ABCB9: variants seen among roughly 807,000 people sequenced by gnomAD.
ABCB9 encodes ATP binding cassette subfamily B member 9, also known as ABC-type oligopeptide transporter ABCB9.
In ABCB9, 36 loss-of-function variants were observed where a neutral mutation model predicts 62.0. The ratio of observed to expected loss-of-function variants is 0.58; its 90% CI spans 0.45 to 0.77. ABCB9 has a LOEUF of 0.77. Among genes scored for constraint, ABCB9 ranks in the 30% least tolerant of loss-of-function variants. The pLI, the probability that ABCB9 is intolerant of heterozygous loss-of-function variation, is 0.00. For missense variants in ABCB9, 943 were observed against 1,054.7 expected (o/e 0.89, Z 1.47); for synonymous variants, 435 against 461.4 (o/e 0.94, Z 0.73).
chr12:122,934,722 T>C (rs1293306786), intron 10 of ABCB9, among the ~76,000 whole-genome samples: 1 of 151,832 alleles, frequency 6.6e-6, no homozygotes, highest in Non-Finnish European at 1.5e-5. Flanking sequence ...TTCAGTTCCC[T>C]CCTGCTCCCA....
chr12:122,950,415 G>C (rs1477658532), intron 3 of ABCB9, 36 bp downstream of exon 3: 1 of 1,568,378 alleles, frequency 6.4e-7, no homozygotes, highest in East Asian at 2.3e-5. Flanking sequence ...GCAGGTCGGG[G>C]TGTGCGGGGC....
rs1458609501 is a variant in ABCB9 at position 122,950,524 on chromosome 12, C to T, written c.643G>A (p.Gly215Ser). The part of the protein sequence containing the change: ...LPYYTGRAID[G>S]IVIQKSMDQF... The stretch of plus-strand genomic sequence containing the variant: ...TCCATGCTTTTCTGGATGACGATGC[C>T]ATCAATGGCGCGGCCCGTGTAGTAG... The change falls in exon 3 of 12, where the codon GGC becomes AGC. Residue 215 changes from glycine to serine, a missense_variant. By Grantham distance (56) the Gly-to-Ser change is moderately conservative. Transcript: ENST00000280560. 3 of 1,613,214 alleles carry T rather than the reference C, an allele frequency of 1.9e-6. No homozygotes were observed. Among genetic ancestry groups the T allele is most frequent in the Non-Finnish European group, 2.5e-6 (3 of 1,180,008 alleles).
At chr12:122,969,339 A>G (rs1166308511), upstream of ABCB9, among the ~76,000 whole-genome samples, 1 of 152,256 alleles carries the variant, frequency 6.6e-6, no homozygotes, top group Admixed American at 6.5e-5. Flanking sequence ...GGAATGTTCT[A>G]AAAGTTGATT....
chr12:122,935,193 G>C, intron 10 of ABCB9, 79 bp downstream of exon 10: 1 of 1,434,082 alleles, frequency 7.0e-7, no homozygotes, highest in African/African-American at 1.4e-5. Context: ...GGTGGCAGGG[G>C]GCAGTGCTTA....
chr12:122,950,007 G>A lies in ABCB9; in HGVS notation c.717-89C>T, dbSNP rs1177675840. On this transcript the variant is annotated intron_variant, in intron 3 of 11. Transcript: ENST00000280560. ...CCCCCTCCCGCTGCCGGCAGGCCTG[G>A]GAGCCCCACCGCAGCCCCACTCCAG... The A allele has an allele frequency of 3.2e-6, 5 of 1,566,444 alleles. No individual in the cohort carries two copies. The Admixed American group carries it at 8.5e-5, about 27-fold the overall frequency.
chr12:122,936,855 G>C (rs888492265), intron 9 of ABCB9, among the ~76,000 whole-genome samples: 2 of 150,782 alleles, frequency 1.3e-5, no homozygotes, highest in Non-Finnish European at 2.9e-5. Flanking sequence ...GGTGAGCTGA[G>C]ATCGTGCCAT....
chr12:122,956,721 A>G (rs1046698257), intron 2 of ABCB9, among the ~76,000 whole-genome samples: 7 of 152,174 alleles, frequency 4.6e-5, no homozygotes, highest in African/African-American at 1.4e-4. Flanking sequence ...GGGTTTCACC[A>G]TGTTGCCAGG....
downstream of ABCB9, chr12:122,924,666 C>T (rs549060947): frequency 9.3e-6 from 14 of 1,503,910 alleles, no homozygotes; most frequent in East Asian, 5.0e-5. Context: ...TAAGTCCTGG[C>T]GCCAGGACTA....
In ABCB9 at chr12:122,964,931, C is replaced by T. The variant is rs532859188; in HGVS notation, c.-88+1356G>A. On this transcript the variant is annotated intron_variant, in intron 1 of 11. Coordinates refer to ENST00000280560, the MANE Select transcript of ABCB9 (RefSeq NM_019625.4). The surrounding 1 kb of genome is among the most constrained non-coding windows in gnomAD (Gnocchi z 4.7). The stretch of plus-strand genomic sequence containing the variant: ...CATTGGTTGGGGTATCTCTAGGCAT[C>T]AGCTGCAGAGAAGGCCAGAAGACGA... Among the ~76,000 whole-genome samples the T allele has an allele frequency of 1.1e-3, 163 of 152,314 alleles. No homozygotes were observed. Among genetic ancestry groups the T allele is most frequent in the African/African-American group, 3.7e-3 (153 of 41,564 alleles).
chr12:122,954,268 G>T (rs1435443744), intron 2 of ABCB9, among the ~76,000 whole-genome samples: 1 of 151,944 alleles, frequency 6.6e-6, no homozygotes, highest in Non-Finnish European at 1.5e-5. Context: ...CGATGCAATG[G>T]TGCGATCTCC....
downstream of ABCB9, among the ~76,000 whole-genome samples, chr12:122,925,571 AC>A (rs1226537154): frequency 1.5e-4 from 22 of 151,552 alleles, no homozygotes; most frequent in African/African-American, 4.9e-4. Context: ...ACGCGGTGAA[AC>A]CCCGTCTCTA....
At chr12:122,931,847 T>A (rs1378323137) in intron 11 of ABCB9, 4 of 308,732 alleles carry the variant, frequency 1.3e-5, no homozygotes, top group African/African-American at 2.1e-5. Context: ...TTTCACCATG[T>A]TGGCCAGGCT....
intron 9 of ABCB9, chr12:122,939,338 A>G (rs1389529644): frequency 6.6e-6 from 1 of 152,280 alleles, no homozygotes; most frequent in Non-Finnish European, 1.5e-5. Flanking sequence ...GACACAAACT[A>G]ATCCACACAC....
chr12:122,945,845 T>C (rs1318239872), intron 6 of ABCB9, among the ~76,000 whole-genome samples, 180 bp downstream of exon 6: 2 of 133,784 alleles, frequency 1.5e-5, no homozygotes, highest in Admixed American at 8.5e-5. Context: ...GCCACTGCAC[T>C]CCAGCCTGGG....
chr12:122,926,783 C>T (rs2135739938), downstream of ABCB9, among the ~76,000 whole-genome samples: 1 of 152,078 alleles, frequency 6.6e-6, no homozygotes, highest in East Asian at 1.9e-4. Flanking sequence ...ACCTGTAGCC[C>T]CAGCTACTCT....
chr12:122,945,076 G>C (rs150840747), intron 6 of ABCB9, among the ~76,000 whole-genome samples: 1 of 152,190 alleles, frequency 6.6e-6, no homozygotes, highest in Non-Finnish European at 1.5e-5. Flanking sequence ...CTAGGCTGCT[G>C]TCTGGACCAC....
In ABCB9 at chr12:122,929,903, G is replaced by GC. The variant is rs770312403; in HGVS notation, c.*7dup. 3.7e-5 allele frequency: 57 copies of GC among 1,524,520 alleles called. No individual in the cohort carries two copies. Among genetic ancestry groups the GC allele is most frequent in the Non-Finnish European group, 3.7e-5 (42 of 1,134,962 alleles). The allele number at this position is 1,524,520 out of a possible 1,614,324, so 94.4% of individuals were successfully genotyped here. A position where few individuals can be genotyped will look rare whatever the true frequency, so the allele number is the denominator to read the frequency against. ...CTCTGCCCCACCGGGAGAAGCAGGG[G>GC]CCCCCCATCAGGCCTTGTGACTGCC... On this transcript the variant is annotated 3_prime_UTR_variant, in exon 12 of 12. Coordinates refer to ENST00000280560, the MANE Select transcript of ABCB9 (RefSeq NM_019625.4). This position sits in a 1 kb window ranked among gnomAD's most constrained non-coding sequence, Gnocchi z 6.0.
At chr12:122,952,632 A>T (rs768637263) in intron 2 of ABCB9, 1 of 152,244 alleles carries the variant, frequency 6.6e-6, no homozygotes, top group Admixed American at 6.5e-5. Flanking sequence ...AGAAGAGGGC[A>T]ACGATGAGCT....
downstream of ABCB9, among the ~76,000 whole-genome samples, chr12:122,927,372 A>G (rs1378482368): frequency 6.6e-6 from 1 of 152,076 alleles, no homozygotes; most frequent in East Asian, 1.9e-4. Flanking sequence ...GGGTTTTACC[A>G]TGTTGGCCAG....
Sources: gnomAD v4.1 joint callset for allele counts (sites outside exome capture counted in the v4.1 genomes callset) on GRCh38, gnomAD v4.1.1 for gene constraint, Gnocchi (gnomAD v3.1) non-coding constraint, MANE v1.5 for transcripts, NCBI Gene and HGNC (gene_info 2026-07-23, HGNC 2026-07-21) for gene names.